PTBP3: variants seen among roughly 807,000 people sequenced by gnomAD.
PTBP3 encodes the protein polypyrimidine tract-binding protein 3.
Under a neutral mutation model 58.7 loss-of-function variants are expected in PTBP3, and 20 were observed. That is an observed-to-expected ratio of 0.34 (90% confidence interval 0.24 to 0.50). The LOEUF (loss-of-function observed/expected upper bound fraction) is 0.50. Among genes scored for constraint, PTBP3 ranks in the 20% least tolerant of loss-of-function variants. PTBP3 has a pLI of 0.98. For synonymous variants in PTBP3, 185 were observed against 219.8 expected, an observed-to-expected ratio of 0.84 and a Z score of 1.40; for missense variants, 509 against 637.2, an observed-to-expected ratio of 0.80 and a Z score of 2.17.
rs566189020 is a variant in PTBP3 at position 112,282,099 on chromosome 9, A to G, written c.35-6086T>C. Among the ~76,000 whole-genome samples the G allele has an allele frequency of 5.9e-5, 9 of 152,278 alleles. No individual in the cohort carries two copies. The South Asian group carries it at 1.5e-3, about 25-fold the overall frequency. On this transcript the variant is annotated intron_variant, in intron 2 of 13. Coordinates refer to ENST00000374257, the MANE Select transcript of PTBP3 (RefSeq NM_001163788.4). ...CCTCATGAGGGCACCACCCACCTTC[A>G]TCATGTAATCTAAACATTATTTCCC...
At chr9:112,315,176 A>G (rs1444682524) in intron 1 of PTBP3, among the ~76,000 whole-genome samples, 1 of 152,136 alleles carries the variant, frequency 6.6e-6, no homozygotes, top group Non-Finnish European at 1.5e-5. Context: ...ATTAGACTAC[A>G]CATTCAAGTG....
intron 1 of PTBP3, among the ~76,000 whole-genome samples, chr9:112,299,688 A>T (rs932748481): frequency 6.6e-6 from 1 of 152,168 alleles, no homozygotes; most frequent in African/African-American, 2.4e-5. Context: ...GTGACTTGCA[A>T]TGCCTCCAGT....
At chr9:112,377,003 G>A in the PTBP3 span, among the ~76,000 whole-genome samples, 7 of 152,098 alleles carry the variant, frequency 4.6e-5, no homozygotes, top group Admixed American at 6.5e-5. Context: ...CTACATTTAC[G>A]CAACTTCCAT....
intron 1 of PTBP3, among the ~76,000 whole-genome samples, chr9:112,320,291 A>AAAAATATATATATATATATATATATATAT (rs1411646280): frequency 1.4e-5 from 1 of 73,568 alleles, no homozygotes; most frequent in African/African-American, 9.0e-5. Context: ...AAAAAAAAAA[A>AAAAATATATATATATATATATATATATAT]ATATATATAT....
intron 2 of PTBP3, among the ~76,000 whole-genome samples, chr9:112,283,948 TG>T (rs1827991371): frequency 6.6e-6 from 1 of 152,202 alleles, no homozygotes; most frequent in Non-Finnish European, 1.5e-5. Context: ...CATGTGGTGT[TG>T]GGTCTGCAGG....
At chr9:112,305,249 G>T (rs1178260364) in intron 1 of PTBP3, among the ~76,000 whole-genome samples, 1 of 140,060 alleles carries the variant, frequency 7.1e-6, no homozygotes, top group African/African-American at 2.6e-5. Flanking sequence ...GAAATATCAT[G>T]CCTGAAAGGA....
the PTBP3 span, chr9:112,379,858 GCC>G: frequency 1.9e-6 from 1 of 524,974 alleles, no homozygotes; most frequent in Admixed American, 3.9e-5. Context: ...GCCGACAGGA[GCC>G]TGATTGTCAC....
intron 1 of PTBP3, among the ~76,000 whole-genome samples, chr9:112,318,885 T>C (rs1829809050): frequency 6.6e-6 from 1 of 152,140 alleles, no homozygotes; most frequent in Non-Finnish European, 1.5e-5. Flanking sequence ...CCCAGTACTT[T>C]GGGAGGCCAA....
the PTBP3 span, among the ~76,000 whole-genome samples, chr9:112,363,827 A>C: frequency 1.3e-5 from 2 of 152,188 alleles, no homozygotes; most frequent in African/African-American, 4.8e-5. Context: ...AATTTGATAT[A>C]ATCAATAAAC....
Position 112,275,964 on chromosome 9 carries a change from C to T in PTBP3, c.84G>A (p.Ser28=), listed in dbSNP as rs760345877. 16 of 1,613,406 alleles carry T rather than the reference C, an allele frequency of 9.9e-6. No individual in the cohort carries two copies. Among genetic ancestry groups the T allele is most frequent in the South Asian group, 6.6e-5 (6 of 91,070 alleles). ...KKFKRDRPPC[S]PSRVLHLRKI... is the part of the protein sequence containing the mutation. ...TTCGAAGATGGAGAACACGGGAAGG[C>T]GAACAGGGAGGTCTATCTCGTTTAA... The change falls in exon 3 of 14, where the codon TCG becomes TCA. Residue 28 remains serine, a synonymous_variant. Coordinates refer to ENST00000374257, the MANE Select transcript of PTBP3 (RefSeq NM_001163788.4).
intron 2 of PTBP3, among the ~76,000 whole-genome samples, chr9:112,290,690 ATAT>A (rs1564438511): frequency 3.4e-5 from 3 of 88,620 alleles, no homozygotes; most frequent in South Asian, 3.8e-4. Flanking sequence ...AAAAAAAAAT[ATAT>A]ATATATATAT....
At chr9:112,289,733 G>C (rs977173555) in intron 2 of PTBP3, among the ~76,000 whole-genome samples, 2 of 151,072 alleles carry the variant, frequency 1.3e-5, no homozygotes, top group Non-Finnish European at 3.0e-5. Context: ...AGTGAGCTGT[G>C]ATTACGTGAT....
rs1054482688 is a variant in PTBP3 at position 112,220,724 on chromosome 9, C to T, written c.*3127G>A. 19 of 983,260 alleles carry T rather than the reference C, an allele frequency of 1.9e-5. No individual in the cohort carries two copies. Among genetic ancestry groups the T allele is most frequent in the African/African-American group, 7.0e-5 (4 of 57,130 alleles). The allele number at this position is 983,260 out of a possible 1,614,324, so 60.9% of individuals were successfully genotyped here. ...ATGTTACACAAAACACATTTTACTGCTATGCAAATTATTCAAATCTCAAAG... is the reference window on the plus strand; with the variant it reads ...ATGTTACACAAAACACATTTTACTGTTATGCAAATTATTCAAATCTCAAAG... On this transcript the variant is annotated 3_prime_UTR_variant, in exon 14 of 14. Transcript: ENST00000374257.
At chr9:112,228,759 T>C (rs1029126555) in intron 10 of PTBP3, among the ~76,000 whole-genome samples, 1 of 152,162 alleles carries the variant, frequency 6.6e-6, no homozygotes, top group Non-Finnish European at 1.5e-5. Flanking sequence ...ATACCATCAT[T>C]CACACAGTTG....
the PTBP3 span, among the ~76,000 whole-genome samples, chr9:112,358,305 C>A: frequency 6.6e-6 from 1 of 152,054 alleles, no homozygotes; most frequent in Admixed American, 6.5e-5. Context: ...GAGACTCTGT[C>A]TCAAAAAAAC....
intron 4 of PTBP3, among the ~76,000 whole-genome samples, chr9:112,264,044 A>G (rs1329291970): frequency 6.6e-6 from 1 of 152,206 alleles, no homozygotes; most frequent in African/African-American, 2.4e-5. Context: ...ATTATGGGAA[A>G]TAATTTTTAA....
intron 10 of PTBP3, among the ~76,000 whole-genome samples, chr9:112,230,035 G>T (rs537769263): frequency 6.6e-6 from 1 of 151,984 alleles, no homozygotes; most frequent in African/African-American, 2.4e-5. Context: ...AATTTCTCTC[G>T]GGCGTTGAAA....
rs1277411230 is a variant in PTBP3 at position 112,221,547 on chromosome 9, GA to G, written c.*2303del. ...ATTATAATAGTGCCTGTGTGGAAGG[GA>G]AAAAAAAGCAAGTTTTGGGAGATTT... On this transcript the variant is annotated 3_prime_UTR_variant, in exon 14 of 14. Coordinates refer to ENST00000374257, the MANE Select transcript of PTBP3 (RefSeq NM_001163788.4). 3 of 984,956 alleles carry G rather than the reference GA, an allele frequency of 3.0e-6. No individual in the cohort carries two copies. The African/African-American group carries it at 5.3e-5, about 17-fold the overall frequency. 61.0% of individuals were successfully genotyped at this position (984,956 alleles called of 1,614,324 possible). A position where few individuals can be genotyped will look rare whatever the true frequency, so the allele number is the denominator to read the frequency against.
At chr9:112,264,978 G>C (rs951074951) in intron 4 of PTBP3, among the ~76,000 whole-genome samples, 1 of 152,036 alleles carries the variant, frequency 6.6e-6, no homozygotes, top group African/African-American at 2.4e-5. Context: ...AGACATAAAA[G>C]AAAACAAACA....
Sources: gnomAD v4.1 joint callset for allele counts (sites outside exome capture counted in the v4.1 genomes callset) on GRCh38, gnomAD v4.1.1 for gene constraint, MANE v1.5 for transcripts, NCBI Gene and HGNC (gene_info 2026-07-23, HGNC 2026-07-21) for gene names.